PDE4B: variants seen among roughly 807,000 people sequenced by gnomAD.
The protein encoded by PDE4B is phosphodiesterase 4B, also known as 3',5'-cyclic-AMP phosphodiesterase 4B.
Under a neutral mutation model 82.2 loss-of-function variants are expected in PDE4B, and 20 were observed. The ratio of observed to expected loss-of-function variants is 0.24; its 90% CI spans 0.17 to 0.35. The LOEUF is 0.35. Among genes scored for constraint, PDE4B ranks in the 10% least tolerant of loss-of-function variants. The probability of loss-of-function intolerance (pLI) is 1.00; values close to 1 mark genes in which losing one functional copy is unlikely to be tolerated. For synonymous variants in PDE4B, 320 were observed against 318.9 expected (o/e 1.00, Z -0.04); for missense variants, 655 against 907.2 (o/e 0.72, Z 3.57).
intron 1 of PDE4B, among the ~76,000 whole-genome samples, chr1:65,891,167 G>T (rs576781788): frequency 6.6e-6 from 1 of 152,216 alleles, no homozygotes; most frequent in East Asian, 1.9e-4. Context: ...TTTGTTACCT[G>T]TGGTGTATTG....
intron 3 of PDE4B, among the ~76,000 whole-genome samples, chr1:65,947,462 T>G (rs1648771117): frequency 6.6e-6 from 1 of 151,878 alleles, no homozygotes. Context: ...GCCATTTCCT[T>G]GAGATGCTGT....
chr1:65,793,362 G>C (rs1215854565), intron 1 of PDE4B, 114 bp downstream of exon 1: 3 of 152,376 alleles, frequency 2.0e-5, no homozygotes, highest in Non-Finnish European at 4.4e-5. Context: ...GGGGCAAAGA[G>C]GGAATGGGGC....
At chr1:65,857,186 A>G (rs1646403133) in intron 1 of PDE4B, among the ~76,000 whole-genome samples, 1 of 152,188 alleles carries the variant, frequency 6.6e-6, no homozygotes, top group Admixed American at 6.6e-5. Flanking sequence ...TAAGTCATAT[A>G]TAGTAATGTT....
At chr1:65,969,105 T>A (rs1232246470) in intron 3 of PDE4B, among the ~76,000 whole-genome samples, 1 of 152,192 alleles carries the variant, frequency 6.6e-6, no homozygotes, top group Non-Finnish European at 1.5e-5. Flanking sequence ...GCTATGATGC[T>A]ATAACAAACA....
intron 3 of PDE4B, among the ~76,000 whole-genome samples, chr1:66,030,869 A>G (rs1355346428): frequency 1.3e-5 from 2 of 152,212 alleles, no homozygotes; most frequent in African/African-American, 4.8e-5. Context: ...ACAGAAAACC[A>G]AAAACTGCAT....
chr1:65,898,927 A>G (rs899166719), intron 1 of PDE4B, among the ~76,000 whole-genome samples: 3 of 152,088 alleles, frequency 2.0e-5, no homozygotes, highest in African/African-American at 7.2e-5. Flanking sequence ...ATGACCAAGA[A>G]CTCAAAAGCA....
intron 8 of PDE4B, among the ~76,000 whole-genome samples, chr1:66,342,748 A>T (rs1019955954): frequency 2.7e-5 from 4 of 150,702 alleles, no homozygotes. Flanking sequence ...AAAAAACAAA[A>T]CAAAGCTAAA....
At chr1:66,172,059 G>A (rs1399537899) in intron 3 of PDE4B, among the ~76,000 whole-genome samples, 1 of 152,132 alleles carries the variant, frequency 6.6e-6, no homozygotes, top group Non-Finnish European at 1.5e-5. Flanking sequence ...CATCATGCAG[G>A]TAATGAGTAT....
chr1:66,310,710 G>A (rs1397102824), intron 7 of PDE4B, among the ~76,000 whole-genome samples: 16 of 152,112 alleles, frequency 1.1e-4, no homozygotes, highest in Admixed American at 1.0e-3. Context: ...CCACTGTACA[G>A]CTACGTGCTA....
At chr1:66,021,066 G>C (rs1157680937) in intron 3 of PDE4B, among the ~76,000 whole-genome samples, 1 of 152,216 alleles carries the variant, frequency 6.6e-6, no homozygotes, top group African/African-American at 2.4e-5. Flanking sequence ...CTGATGGCCA[G>C]TGATGTTGAG....
At chr1:65,963,219 T>C (rs1649636468) in intron 3 of PDE4B, among the ~76,000 whole-genome samples, 1 of 152,178 alleles carries the variant, frequency 6.6e-6, no homozygotes, top group Non-Finnish European at 1.5e-5. Context: ...TTTGTGAGTT[T>C]ATTTGAACCT....
At chr1:66,266,773 C>A (rs1262272045) in intron 7 of PDE4B, 1 of 482,330 alleles carries the variant, frequency 2.1e-6, no homozygotes. Context: ...TTCTTCTTCA[C>A]ACAAAATGCA....
chr1:65,995,548 C>A (rs1227660305), intron 3 of PDE4B, among the ~76,000 whole-genome samples: 1 of 152,170 alleles, frequency 6.6e-6, no homozygotes, highest in Non-Finnish European at 1.5e-5. Flanking sequence ...TCTGCTCTAC[C>A]TCCTGTCTCT....
intron 3 of PDE4B, among the ~76,000 whole-genome samples, chr1:65,933,028 A>C (rs916618168): frequency 3.9e-5 from 6 of 152,178 alleles, no homozygotes; most frequent in Non-Finnish European, 7.4e-5. Flanking sequence ...AGAACCACAA[A>C]ACATATTCAA....
intron 3 of PDE4B, among the ~76,000 whole-genome samples, chr1:66,216,317 T>C (rs1301487088): frequency 1.3e-5 from 2 of 152,076 alleles, no homozygotes; most frequent in East Asian, 3.9e-4. Flanking sequence ...CATTTCCTGT[T>C]GGTTCTGTTT....
chr1:66,350,041 T>C (rs1467687165), intron 8 of PDE4B, among the ~76,000 whole-genome samples: 1 of 152,002 alleles, frequency 6.6e-6, no homozygotes, highest in Non-Finnish European at 1.5e-5. Flanking sequence ...ACTTCATTTC[T>C]CACTAAACTG....
At chr1:65,818,683 C>CATATAT (rs1471583640) in intron 1 of PDE4B, among the ~76,000 whole-genome samples, 10 of 45,546 alleles carry the variant, frequency 2.2e-4, no homozygotes, top group South Asian at 7.6e-4. Flanking sequence ...CACACACACA[C>CATATAT]ACATATATAT....
At chr1:66,265,485 C>T (rs1025308001) in intron 6 of PDE4B, among the ~76,000 whole-genome samples, 1 of 152,092 alleles carries the variant, frequency 6.6e-6, no homozygotes, top group Non-Finnish European at 1.5e-5. Flanking sequence ...GAATGACGTC[C>T]CAGTTCCTCC....
At chr1:66,011,691 T>G in intron 3 of PDE4B, among the ~76,000 whole-genome samples, 1 of 152,090 alleles carries the variant, frequency 6.6e-6, no homozygotes, top group East Asian at 1.9e-4. Context: ...GACATCTGTA[T>G]TTTACTACAG....
Sources: allele counts gnomAD v4.1 joint callset (sites outside exome capture counted in the v4.1 genomes callset), GRCh38; gene constraint gnomAD v4.1.1; transcripts MANE v1.5; gene names NCBI Gene and HGNC (gene_info 2026-07-23, HGNC 2026-07-21).